The following ALG9 variants were observed in gnomAD, a reference collection of about 807,000 sequenced individuals.
ALG9 encodes the protein alpha-1,2-mannosyltransferase ALG9.
Under a neutral mutation model 81.8 loss-of-function variants are expected in ALG9, and 55 were observed. That is an observed-to-expected ratio of 0.67 (90% CI 0.54 to 0.84). The LOEUF (loss-of-function observed/expected upper bound fraction) is 0.84, where lower values mean the gene tolerates loss of function less well. ALG9 is among the 40% of genes least tolerant of loss of function. ALG9 has a pLI of 0.00. For synonymous variants in ALG9, 278 were observed against 274.3 expected, an observed-to-expected ratio of 1.01 and a Z score of -0.13; for missense variants, 629 against 745.0, an observed-to-expected ratio of 0.84 and a Z score of 1.81.
chr11:111,820,058 C>T (rs1031621155), intron 13 of ALG9, among the ~76,000 whole-genome samples: 1 of 152,188 alleles, frequency 6.6e-6, no homozygotes, highest in African/African-American at 2.4e-5. Flanking sequence ...CACATCATAT[C>T]GTAATAAATC....
intron 4 of ALG9, among the ~76,000 whole-genome samples, chr11:111,861,950 T>C (rs1555148335): frequency 6.6e-6 from 1 of 152,210 alleles, no homozygotes; most frequent in Non-Finnish European, 1.5e-5. Context: ...TGTAATTGCC[T>C]AACACTCCTT....
At chr11:111,808,634 G>C (rs570969507) in intron 14 of ALG9, among the ~76,000 whole-genome samples, 2 of 152,064 alleles carry the variant, frequency 1.3e-5, no homozygotes, top group African/African-American at 2.4e-5. Context: ...CGTCTTTCTG[G>C]AGTCCTGTCC....
chr11:111,838,428 T>C (rs1955683655), intron 10 of ALG9, 29 bp from the exon 11 acceptor site: 5 of 1,570,088 alleles, frequency 3.2e-6, no homozygotes, highest in African/African-American at 1.4e-5. Flanking sequence ...ATTTGTAGAA[T>C]ATACATAATT....
intron 4 of ALG9, among the ~76,000 whole-genome samples, chr11:111,863,272 T>C (rs1053442771): frequency 6.6e-5 from 10 of 152,080 alleles, no homozygotes; most frequent in African/African-American, 2.4e-4. Flanking sequence ...ATGGCAGAAT[T>C]GCTTGAACCC....
At chr11:111,777,754 A>G (rs1036799519), downstream of ALG9, among the ~76,000 whole-genome samples, 4 of 152,198 alleles carry the variant, frequency 2.6e-5, no homozygotes, top group Non-Finnish European at 4.4e-5. Context: ...ATACCTCCAC[A>G]AATATTTCAC....
chr11:111,866,206 G>A (rs626243), intron 3 of ALG9, among the ~76,000 whole-genome samples: 106,862 of 152,036 alleles, frequency 0.7, 38,128 homozygotes, highest in African/African-American at 0.83. Flanking sequence ...CTGAGGCAAG[G>A]GAATTACTTG....
intron 13 of ALG9, among the ~76,000 whole-genome samples, chr11:111,822,851 C>T (rs1188014654): frequency 7.9e-5 from 12 of 152,050 alleles, no homozygotes; most frequent in Non-Finnish European, 1.6e-4. Context: ...GGAGAAACCT[C>T]GTCTCTACTA....
intron 13 of ALG9, chr11:111,828,987 A>G (rs2136694006): frequency 6.6e-6 from 1 of 152,290 alleles, no homozygotes; most frequent in Non-Finnish European, 1.5e-5. Context: ...GAGAGTCCTC[A>G]GTTTATATCC....
chr11:111,836,048 C>G (rs1592168010), intron 13 of ALG9, 117 bp downstream of exon 13: 13 of 1,422,956 alleles, frequency 9.1e-6, no homozygotes, highest in Non-Finnish European at 1.1e-5. Flanking sequence ...AGCACCCGGC[C>G]TTAAAAAAAT....
chr11:111,804,015 C>G (rs1315307132), intron 14 of ALG9, among the ~76,000 whole-genome samples: 1 of 151,700 alleles, frequency 6.6e-6, no homozygotes, highest in Non-Finnish European at 1.5e-5. Context: ...TGCCTGTAAT[C>G]CCAGCTACTC....
intron 13 of ALG9, among the ~76,000 whole-genome samples, chr11:111,821,423 A>C (rs1221232985): frequency 6.6e-6 from 1 of 151,978 alleles, no homozygotes; most frequent in Non-Finnish European, 1.5e-5. Flanking sequence ...TACATTTCTC[A>C]TGTCTCTCTA....
In ALG9 at chr11:111,840,719, C is replaced by A; in HGVS notation, c.1109G>T (p.Arg370Ile). ...IFFIQPHKEE[R>I]FLFPVYPLIC... ...AAGTGGATACACAGGGAAAAGAAAT[C>A]TCTCCTCTTTGTGAGGCTGGATGAA... is the stretch of plus-strand genomic sequence containing the variant. The change falls in exon 10 of 15, where the codon AGA (arginine) becomes ATA (isoleucine). Residue 370 changes from arginine to isoleucine, a missense_variant. Coordinates refer to ENST00000616540, the MANE Select transcript of ALG9 (RefSeq NM_024740.2). 6.2e-7 allele frequency: 1 copy of A among 1,614,064 alleles called. No individual in the cohort carries two copies. The highest frequency in any genetic ancestry group is 8.5e-7 in the Non-Finnish European group (1 of 1,180,000).
chr11:111,809,256 T>C (rs1330931037), intron 14 of ALG9, among the ~76,000 whole-genome samples: 1 of 152,166 alleles, frequency 6.6e-6, no homozygotes, highest in Admixed American at 6.5e-5. Context: ...GGGCCGGGCA[T>C]GGTGACTCAT....
At chr11:111,821,714 CA>C (rs1565856414) in intron 13 of ALG9, among the ~76,000 whole-genome samples, 1 of 151,958 alleles carries the variant, frequency 6.6e-6, no homozygotes, top group Non-Finnish European at 1.5e-5. Context: ...CGGCTCACTG[CA>C]AGCTCCACCT....
chr11:111,792,638 A>C (rs949837912), intron 14 of ALG9, among the ~76,000 whole-genome samples: 1 of 152,248 alleles, frequency 6.6e-6, no homozygotes, highest in African/African-American at 2.4e-5. Context: ...CCCTCAGTGC[A>C]TAATCAATCA....
At chr11:111,832,608 T>C (rs1555114114) in intron 13 of ALG9, among the ~76,000 whole-genome samples, 2 of 152,240 alleles carry the variant, frequency 1.3e-5, no homozygotes, top group African/African-American at 4.8e-5. Context: ...GTTTTTTAAG[T>C]ATTGTGTCCC....
chr11:111,811,881 G>C (rs924966247), intron 13 of ALG9, among the ~76,000 whole-genome samples: 3 of 152,054 alleles, frequency 2.0e-5, no homozygotes, highest in African/African-American at 7.2e-5. Flanking sequence ...GTTTTTTTGG[G>C]GGGGAGGCAT....
downstream of ALG9, among the ~76,000 whole-genome samples, chr11:111,777,408 C>A (rs1440295263): frequency 6.6e-6 from 1 of 152,154 alleles, no homozygotes; most frequent in Admixed American, 6.5e-5. Flanking sequence ...ACATCAAAAA[C>A]TGACATGAAC....
At chr11:111,775,352 T>C in the ALG9 span, among the ~76,000 whole-genome samples, 449 of 152,310 alleles carry the variant, frequency 2.9e-3, 1 homozygote, top group African/African-American at 0.01. Context: ...CAAGATCCCC[T>C]GGACACGAAA....
Sources: gnomAD v4.1 joint callset for allele counts (sites outside exome capture counted in the v4.1 genomes callset) on GRCh38, gnomAD v4.1.1 for gene constraint, MANE v1.5 for transcripts, NCBI Gene and HGNC (gene_info 2026-07-23, HGNC 2026-07-21) for gene names.